The following HCN1 variants were observed in gnomAD, a reference collection of about 807,000 sequenced individuals.
HCN1 encodes the protein potassium/sodium hyperpolarization-activated cyclic nucleotide-gated channel 1.
A neutral mutation model predicts 78.9 loss-of-function variants in HCN1; 13 were observed. The ratio of observed to expected loss-of-function variants is 0.16; its 90% CI spans 0.11 to 0.26. HCN1 has a LOEUF of 0.26. Ranked by LOEUF, HCN1 falls within the 10% of genes least tolerant of loss-of-function variation. HCN1 has a pLI of 1.00. For missense variants in HCN1, 810 were observed against 1,154.3 expected, an observed-to-expected ratio of 0.70 and a Z score of 4.32; for synonymous variants, 552 against 455.5, an observed-to-expected ratio of 1.21 and a Z score of -2.70.
intron 5 of HCN1, among the ~76,000 whole-genome samples, chr5:45,344,433 G>A (rs1210246452): frequency 6.6e-6 from 1 of 152,038 alleles, no homozygotes; most frequent in Non-Finnish European, 1.5e-5. Context: ...ATTCATTTCA[G>A]CATTAACTCA....
intron 4 of HCN1, among the ~76,000 whole-genome samples, chr5:45,393,653 A>G (rs1299680116): frequency 2.6e-5 from 4 of 152,150 alleles, no homozygotes; most frequent in African/African-American, 9.7e-5. Context: ...CTTCTGTAAG[A>G]TTGTTTCAAT....
chr5:45,613,791 T>A (rs1380795268), intron 2 of HCN1, among the ~76,000 whole-genome samples: 2 of 152,170 alleles, frequency 1.3e-5, no homozygotes, highest in Admixed American at 1.3e-4. Flanking sequence ...TTATTAAAAA[T>A]TCTTCAGTAA....
chr5:45,366,600 G>T (rs531189040), intron 4 of HCN1, among the ~76,000 whole-genome samples: 1 of 151,634 alleles, frequency 6.6e-6, no homozygotes, highest in Admixed American at 6.6e-5. Context: ...CTATCTTATT[G>T]TTTGTAGCTT....
intron 3 of HCN1, among the ~76,000 whole-genome samples, chr5:45,415,888 A>G (rs1053101272): frequency 1.3e-5 from 2 of 151,986 alleles, no homozygotes; most frequent in African/African-American, 4.8e-5. Context: ...AAAATATTGA[A>G]CTGACTTAAT....
intron 4 of HCN1, among the ~76,000 whole-genome samples, chr5:45,372,227 AAT>A (rs1747409139): frequency 1.3e-5 from 1 of 74,340 alleles, no homozygotes; most frequent in Non-Finnish European, 2.2e-5. Context: ...TAATATATAT[AAT>A]ATATATTATA....
At chr5:45,681,331 T>G (rs1739698167) in intron 1 of HCN1, among the ~76,000 whole-genome samples, 1 of 152,194 alleles carries the variant, frequency 6.6e-6, no homozygotes, top group African/African-American at 2.4e-5. Context: ...TTGTTTGGAT[T>G]TTGATCTTGC....
chr5:45,336,574 G>C (rs1412574707), intron 5 of HCN1, among the ~76,000 whole-genome samples: 1 of 152,008 alleles, frequency 6.6e-6, no homozygotes, highest in African/African-American at 2.4e-5. Flanking sequence ...TTGGACAGGG[G>C]AACTTGAACA....
rs1338055183 is a variant in HCN1 at position 45,262,248 on chromosome 5, T to C, written c.2346A>G (p.Glu782=). 2.5e-6 allele frequency: 4 copies of C among 1,613,916 alleles called. No individual in the cohort carries two copies. Among genetic ancestry groups the C allele is most frequent in the Non-Finnish European group, 3.4e-6 (4 of 1,180,026 alleles). Residue 782 remains glutamate, a synonymous_variant, in exon 8 of 8, where the codon GAA becomes GAG. Coordinates refer to ENST00000303230, the MANE Select transcript of HCN1 (RefSeq NM_021072.4). ...GCTGCGAGGCGGAGAGTGGCCTGAC[T>C]TCCCGGGTCAGGTTGGTGTTGTGAA... The part of the protein sequence containing the change: ...QALHNTNLTR[E]VRPLSASQPS...
Position 45,259,354 on chromosome 5 carries a change from AGTT to A in HCN1, c.*2564_*2566del, listed in dbSNP as rs1561077695. The A allele has an allele frequency of 6.6e-6, 1 of 152,344 alleles. No individual in the cohort carries two copies. The highest frequency in any genetic ancestry group is 2.4e-5 in the African/African-American group (1 of 41,414). 9.4% of individuals were successfully genotyped at this position (152,344 alleles called of 1,614,324 possible). A position where few individuals can be genotyped will look rare whatever the true frequency, so the allele number is the denominator to read the frequency against. On this transcript the variant is annotated 3_prime_UTR_variant, in exon 8 of 8. Transcript: ENST00000303230. ...TACTCTAACTCATCCCTGATCATAC[AGTT>A]GTTGTAAGAATCAGCTATTCTATTA...
chr5:45,378,175 C>A (rs1747728529), intron 4 of HCN1, among the ~76,000 whole-genome samples: 1 of 151,880 alleles, frequency 6.6e-6, no homozygotes, highest in African/African-American at 2.4e-5. Context: ...ATATTTTATA[C>A]CTAGTTAGCA....
rs956974455 is a variant in HCN1, at chr5:45,348,229, A to G, written c.1377+4871T>C. 2.6e-4 allele frequency among the ~76,000 whole-genome samples: 40 copies of G among 152,234 alleles called. 1 individual carries two copies. Among genetic ancestry groups the G allele is most frequent in the Non-Finnish European group, 7.3e-5 (5 of 68,042 alleles). Reference sequence around the variant, plus strand: ...CCAGTATTCAAAGTTCTTAAAGAAAAGAATTTTCAACCCAGAATTTCATAT... The same window carrying G: ...CCAGTATTCAAAGTTCTTAAAGAAAGGAATTTTCAACCCAGAATTTCATAT... On this transcript the variant is annotated intron_variant, in intron 5 of 7. Coordinates refer to ENST00000303230, the MANE Select transcript of HCN1 (RefSeq NM_021072.4).
At chr5:45,358,066 C>G (rs893062182) in intron 4 of HCN1, among the ~76,000 whole-genome samples, 7 of 152,062 alleles carry the variant, frequency 4.6e-5, no homozygotes, top group Non-Finnish European at 1.5e-5. Context: ...GATGCCCAAA[C>G]TTGAACTTTC....
intron 2 of HCN1, among the ~76,000 whole-genome samples, chr5:45,624,151 G>A (rs993461903): frequency 6.6e-6 from 1 of 152,124 alleles, no homozygotes; most frequent in Non-Finnish European, 1.5e-5. Flanking sequence ...TTAGATTAGA[G>A]GCCATTGGAA....
intron 2 of HCN1, among the ~76,000 whole-genome samples, chr5:45,492,321 T>TGAGA (rs1210597691): frequency 1.4e-5 from 2 of 141,896 alleles, no homozygotes; most frequent in Admixed American, 7.1e-5. Context: ...TGTGTGTGTG[T>TGAGA]GAGAGAGAGA....
rs767316687 is a variant in HCN1 at position 45,490,953 on chromosome 5, G to C, written c.850-28946C>G. Reference sequence around the variant, plus strand: ...TATTCCAGGCAGGAGCATGTTCAAGGCTCTTCCATCTTAAACCAAAAACTT... The same window carrying C: ...TATTCCAGGCAGGAGCATGTTCAAGCCTCTTCCATCTTAAACCAAAAACTT... On this transcript the variant is annotated intron_variant, in intron 2 of 7. Coordinates refer to ENST00000303230, the MANE Select transcript of HCN1 (RefSeq NM_021072.4). 3.9e-5 allele frequency among the ~76,000 whole-genome samples: 6 copies of C among 152,014 alleles called. No homozygotes were observed. The East Asian group carries it at 1.2e-3, about 30-fold the overall frequency.
chr5:45,555,812 C>A (rs545664339), intron 2 of HCN1, among the ~76,000 whole-genome samples: 2 of 151,850 alleles, frequency 1.3e-5, no homozygotes, highest in African/African-American at 4.8e-5. Flanking sequence ...AATTATACTA[C>A]AAAGCTATGG....
chr5:45,591,185 T>C (rs781079077), intron 2 of HCN1, among the ~76,000 whole-genome samples: 23 of 152,312 alleles, frequency 1.5e-4, no homozygotes, highest in African/African-American at 5.5e-4. Flanking sequence ...AAGGACATTC[T>C]ATTTCCTTCT....
intron 1 of HCN1, among the ~76,000 whole-genome samples, chr5:45,658,489 C>T (rs1384823730): frequency 6.6e-6 from 1 of 152,172 alleles, no homozygotes; most frequent in Admixed American, 6.5e-5. Flanking sequence ...GTCTACAGCT[C>T]CCAGCGTGAG....
intron 5 of HCN1, among the ~76,000 whole-genome samples, chr5:45,329,883 T>C (rs899280675): frequency 4.0e-5 from 6 of 151,344 alleles, no homozygotes; most frequent in African/African-American, 1.5e-4. Context: ...CTTACAACCA[T>C]GAAAGACTGG....
Sources: allele counts gnomAD v4.1 joint callset (sites outside exome capture counted in the v4.1 genomes callset), GRCh38; gene constraint gnomAD v4.1.1; transcripts MANE v1.5; gene names NCBI Gene and HGNC (gene_info 2026-07-23, HGNC 2026-07-21).